LSAMP: variants seen among roughly 807,000 people sequenced by gnomAD.
LSAMP encodes the protein limbic system-associated membrane protein.
Under a neutral mutation model 38.6 loss-of-function variants are expected in LSAMP, and 7 were observed. The ratio of observed to expected loss-of-function variants is 0.18; its 90% CI spans 0.10 to 0.34. The LOEUF is 0.34. Ranked by LOEUF, LSAMP falls within the 10% of genes least tolerant of loss-of-function variation. LSAMP has a pLI of 1.00. For synonymous variants in LSAMP, 154 were observed against 166.8 expected (o/e 0.92, Z 0.59); for missense variants, 313 against 420.0 (o/e 0.75, Z 2.23).
At chr3:116,067,794 T>G (rs1244923004) in intron 2 of LSAMP, among the ~76,000 whole-genome samples, 3 of 152,210 alleles carry the variant, frequency 2.0e-5, no homozygotes, top group Non-Finnish European at 4.4e-5. Context: ...TTTTTAAAAG[T>G]CTGCATCCCC....
At chr3:116,209,290 C>G (rs566024724) in intron 1 of LSAMP, among the ~76,000 whole-genome samples, 1 of 152,160 alleles carries the variant, frequency 6.6e-6, no homozygotes, top group African/African-American at 2.4e-5. Flanking sequence ...CTGACCTGCG[C>G]CCACTGTCTG....
chr3:116,171,046 A>T (rs1022047355), intron 1 of LSAMP, among the ~76,000 whole-genome samples: 1 of 152,142 alleles, frequency 6.6e-6, no homozygotes, highest in East Asian at 1.9e-4. Context: ...AGATGACTTG[A>T]GTTTGAATTC....
At chr3:115,948,343 A>G (rs1425013163) in intron 3 of LSAMP, among the ~76,000 whole-genome samples, 1 of 152,200 alleles carries the variant, frequency 6.6e-6, no homozygotes, top group African/African-American at 2.4e-5. Flanking sequence ...TTTCATTAGC[A>G]CATGGAACAT....
chr3:116,243,329 T>G (rs1230845935), intron 1 of LSAMP, among the ~76,000 whole-genome samples: 1 of 152,162 alleles, frequency 6.6e-6, no homozygotes, highest in African/African-American at 2.4e-5. Flanking sequence ...TAGAGGAGTC[T>G]GGGAACCAAA....
At chr3:115,900,663 G>A (rs1004160753) in intron 3 of LSAMP, among the ~76,000 whole-genome samples, 2 of 152,128 alleles carry the variant, frequency 1.3e-5, no homozygotes, top group African/African-American at 4.8e-5. Context: ...ACATGAGCAG[G>A]CATACAACCA....
chr3:115,881,520 T>C (rs553471458), intron 3 of LSAMP, among the ~76,000 whole-genome samples: 1 of 152,278 alleles, frequency 6.6e-6, no homozygotes, highest in South Asian at 2.1e-4. Flanking sequence ...CAGTTGCTTA[T>C]GAATAGTGTT....
At chr3:116,171,395 A>G (rs1258156375) in intron 1 of LSAMP, among the ~76,000 whole-genome samples, 2 of 152,140 alleles carry the variant, frequency 1.3e-5, no homozygotes, top group African/African-American at 4.8e-5. Context: ...GAGTTATATT[A>G]AATAGAAAAC....
chr3:115,840,650 C>T (rs113518214), intron 6 of LSAMP, among the ~76,000 whole-genome samples: 7 of 152,126 alleles, frequency 4.6e-5, no homozygotes, highest in African/African-American at 4.8e-5. Flanking sequence ...TTTTTATAAA[C>T]GGAGTTGGAT....
chr3:116,107,699 C>T (rs1465568202), intron 1 of LSAMP, among the ~76,000 whole-genome samples: 1 of 152,066 alleles, frequency 6.6e-6, no homozygotes, highest in African/African-American at 2.4e-5. Flanking sequence ...GCAGTACAGC[C>T]CAGGTAATTT....
chr3:116,380,068 T>C (rs1428565910), intron 1 of LSAMP, among the ~76,000 whole-genome samples: 2 of 152,078 alleles, frequency 1.3e-5, no homozygotes, highest in African/African-American at 4.8e-5. Flanking sequence ...AGGCAGACCA[T>C]GGTTTAAAAT....
intron 3 of LSAMP, among the ~76,000 whole-genome samples, chr3:115,890,260 T>C (rs1936561934): frequency 6.6e-6 from 1 of 151,916 alleles, no homozygotes; most frequent in African/African-American, 2.4e-5. Flanking sequence ...TTTCTGAACT[T>C]GTACAAAGAA....
intron 1 of LSAMP, among the ~76,000 whole-genome samples, chr3:116,270,612 AC>A (rs1360073960): frequency 6.6e-6 from 1 of 152,108 alleles, no homozygotes; most frequent in Non-Finnish European, 1.5e-5. Context: ...TCCTAGAAAC[AC>A]CAGGGCACTA....
At chr3:116,422,248 T>A (rs778604882) in intron 1 of LSAMP, among the ~76,000 whole-genome samples, 2 of 152,230 alleles carry the variant, frequency 1.3e-5, no homozygotes, top group East Asian at 3.9e-4. Flanking sequence ...TAGCCCTTCA[T>A]AGCTGTGGGT....
intron 3 of LSAMP, among the ~76,000 whole-genome samples, chr3:115,919,512 G>T (rs527893338): frequency 6.6e-6 from 1 of 152,152 alleles, no homozygotes; most frequent in Non-Finnish European, 1.5e-5. Context: ...AACGTGGTGT[G>T]TATGTATAAA....
Position 116,018,062 on chromosome 3 carries a change from A to AT in LSAMP, c.514+1452dup, listed in dbSNP as rs923515754. On this transcript the variant is annotated intron_variant, in intron 3 of 6. Transcript: ENST00000490035. ...ATACTCGAGACAATCCTTTATACAT[A>AT]TTTTTTTTCCACATGAGGTATAAAA... 5.3e-5 allele frequency among the ~76,000 whole-genome samples: 8 copies of AT among 151,242 alleles called. No individual in the cohort carries two copies. The East Asian group carries it at 5.8e-4, about 11-fold the overall frequency.
chr3:116,050,172 A>C (rs1941367746), intron 2 of LSAMP, among the ~76,000 whole-genome samples: 1 of 152,108 alleles, frequency 6.6e-6, no homozygotes, highest in Non-Finnish European at 1.5e-5. Context: ...ACAACACAGC[A>C]TCTCCATGGG....
chr3:115,921,161 A>G (rs1012257187), intron 3 of LSAMP, among the ~76,000 whole-genome samples: 2 of 152,010 alleles, frequency 1.3e-5, no homozygotes, highest in African/African-American at 4.8e-5. Flanking sequence ...CAGTCATTCT[A>G]TATTTTTTGA....
At chr3:116,051,758 T>A (rs1191453743) in intron 2 of LSAMP, among the ~76,000 whole-genome samples, 3 of 150,662 alleles carry the variant, frequency 2.0e-5, no homozygotes, top group East Asian at 3.9e-4. Flanking sequence ...CAGAAAGCGA[T>A]GAGGGCCTCT....
chr3:116,135,799 C>A (rs1337861741), intron 1 of LSAMP, among the ~76,000 whole-genome samples: 1 of 152,160 alleles, frequency 6.6e-6, no homozygotes, highest in East Asian at 1.9e-4. Context: ...TACGAAGTTT[C>A]AAATGAGATT....
Sources: gnomAD v4.1 joint callset for allele counts (sites outside exome capture counted in the v4.1 genomes callset) on GRCh38, gnomAD v4.1.1 for gene constraint, MANE v1.5 for transcripts, NCBI Gene and HGNC (gene_info 2026-07-23, HGNC 2026-07-21) for gene names.